Variants in KCNIP1 observed in about 807,000 individuals in gnomAD.
KCNIP1 encodes the protein potassium voltage-gated channel interacting protein 1.
In KCNIP1, 18 loss-of-function variants were observed where a neutral mutation model predicts 33.0. The ratio of observed to expected loss-of-function variants is 0.55; its 90% CI spans 0.38 to 0.81. The LOEUF is 0.81. Among genes scored for constraint, KCNIP1 ranks in the 30% least tolerant of loss-of-function variants. KCNIP1 has a pLI of 0.00. For missense variants in KCNIP1, 238 were observed against 271.6 expected, an observed-to-expected ratio of 0.88 and a Z score of 0.87; for synonymous variants, 93 against 98.3, an observed-to-expected ratio of 0.95 and a Z score of 0.32.
At chr5:170,623,771 C>T (rs948964998) in intron 1 of KCNIP1, among the ~76,000 whole-genome samples, 11 of 152,184 alleles carry the variant, frequency 7.2e-5, no homozygotes, top group African/African-American at 2.4e-4. Flanking sequence ...TGAAGACTAA[C>T]GCACATGATG....
chr5:170,717,131 G>C (rs1763667938), intron 1 of KCNIP1, among the ~76,000 whole-genome samples: 1 of 152,128 alleles, frequency 6.6e-6, no homozygotes, highest in Admixed American at 6.5e-5. Context: ...AATGCTTTTA[G>C]ATCTAATGCT....
At chr5:170,564,806 G>A (rs1757150829) in intron 1 of KCNIP1, among the ~76,000 whole-genome samples, 3 of 152,118 alleles carry the variant, frequency 2.0e-5, no homozygotes, top group African/African-American at 7.2e-5. Flanking sequence ...TATAGCTGAT[G>A]TCACATCCCT....
intron 1 of KCNIP1, among the ~76,000 whole-genome samples, chr5:170,438,912 G>A (rs765054564): frequency 6.6e-6 from 1 of 152,178 alleles, no homozygotes; most frequent in Non-Finnish European, 1.5e-5. Flanking sequence ...GACACTGCAT[G>A]TGGGCCTGTC....
chr5:170,560,826 C>T (rs551968104), intron 1 of KCNIP1, among the ~76,000 whole-genome samples: 13 of 152,100 alleles, frequency 8.5e-5, no homozygotes, highest in Non-Finnish European at 1.6e-4. Flanking sequence ...TGGTTCCCCC[C>T]GCCCCAGATG....
intron 1 of KCNIP1, among the ~76,000 whole-genome samples, chr5:170,671,528 A>G (rs1761921802): frequency 6.6e-6 from 1 of 152,136 alleles, no homozygotes; most frequent in African/African-American, 2.4e-5. Context: ...GTTGGGCCTT[A>G]TCTTTATGCT....
At chr5:170,521,803 C>T (rs985041358) in intron 1 of KCNIP1, among the ~76,000 whole-genome samples, 2 of 152,222 alleles carry the variant, frequency 1.3e-5, no homozygotes, top group Non-Finnish European at 2.9e-5. Flanking sequence ...GCTGCTATAA[C>T]AAATAAACCC....
At chr5:170,385,364 G>C in intron 1 of KCNIP1, 2 of 1,614,142 alleles carry the variant, frequency 1.2e-6, no homozygotes, top group Non-Finnish European at 1.7e-6. Flanking sequence ...AGTAGGTGAT[G>C]ACGGCACACA....
At chr5:170,669,183 G>A (rs1006849787) in intron 1 of KCNIP1, among the ~76,000 whole-genome samples, 7 of 152,208 alleles carry the variant, frequency 4.6e-5, no homozygotes, top group African/African-American at 1.4e-4. Flanking sequence ...ATGAATGAAT[G>A]AATGAATGAA....
In KCNIP1 at chr5:170,735,960, G is replaced by T. The variant is rs1764374295; in HGVS notation, c.*154G>T. Reference sequence around the variant, plus strand: ...AATTCTCTGCTGAAGACTTTCTATGGAACCCAGCATCATGTGGCTCAGTCT... The same window carrying T: ...AATTCTCTGCTGAAGACTTTCTATGTAACCCAGCATCATGTGGCTCAGTCT... On this transcript the variant is annotated 3_prime_UTR_variant, in exon 8 of 8. Transcript: ENST00000328939. 1.6e-6 allele frequency: 1 copy of T among 630,206 alleles called. No individual in the cohort carries two copies. Among genetic ancestry groups the T allele is most frequent in the East Asian group, 2.7e-5 (1 of 36,606 alleles). The allele number at this position is 630,206 out of a possible 1,614,324, so 39.0% of individuals were successfully genotyped here.
chr5:170,659,228 G>A (rs1200324737), intron 1 of KCNIP1, among the ~76,000 whole-genome samples: 1 of 151,992 alleles, frequency 6.6e-6, no homozygotes, highest in African/African-American at 2.4e-5. Flanking sequence ...CTCTCACTAG[G>A]ACTTCACAGC....
chr5:170,488,860 G>T (rs949547531), intron 1 of KCNIP1, among the ~76,000 whole-genome samples: 3 of 152,194 alleles, frequency 2.0e-5, no homozygotes, highest in Admixed American at 6.5e-5. Flanking sequence ...AGAAGGGAGA[G>T]AATTTACACA....
At chr5:170,669,047 C>T (rs1561753225) in intron 1 of KCNIP1, among the ~76,000 whole-genome samples, 1 of 152,188 alleles carries the variant, frequency 6.6e-6, no homozygotes, top group Non-Finnish European at 1.5e-5. Context: ...TTCTCTTTCT[C>T]ATCACAGTCT....
intron 1 of KCNIP1, among the ~76,000 whole-genome samples, chr5:170,357,363 G>T (rs948298650): frequency 6.6e-6 from 1 of 152,170 alleles, no homozygotes; most frequent in African/African-American, 2.4e-5. Context: ...TAGTGTTGAT[G>T]GATATGACTT....
At chr5:170,722,381 G>A (rs528609389) in intron 4 of KCNIP1, among the ~76,000 whole-genome samples, 22 of 152,206 alleles carry the variant, frequency 1.4e-4, no homozygotes, top group East Asian at 5.8e-4. Flanking sequence ...TACAGTCCAC[G>A]TCCTCAGCCA....
chr5:170,684,008 A>T (rs1762456973), intron 1 of KCNIP1, among the ~76,000 whole-genome samples: 1 of 151,644 alleles, frequency 6.6e-6, no homozygotes, highest in Non-Finnish European at 1.5e-5. Flanking sequence ...CCACCTGCCG[A>T]GGCCTCCCAA....
chr5:170,717,796 A>G (rs1427725121), intron 1 of KCNIP1, among the ~76,000 whole-genome samples: 1 of 152,348 alleles, frequency 6.6e-6, no homozygotes, highest in South Asian at 2.1e-4. Flanking sequence ...CCATCTCATC[A>G]CTATTCTTGC....
At chr5:170,607,625 C>G (rs1758977517) in intron 1 of KCNIP1, among the ~76,000 whole-genome samples, 1 of 152,166 alleles carries the variant, frequency 6.6e-6, no homozygotes, top group Non-Finnish European at 1.5e-5. Context: ...AAAGAAAATG[C>G]AGTGTCTTCT....
At chr5:170,372,009 A>C (rs1763858466) in intron 1 of KCNIP1, among the ~76,000 whole-genome samples, 1 of 151,970 alleles carries the variant, frequency 6.6e-6, no homozygotes, top group Non-Finnish European at 1.5e-5. Flanking sequence ...GTTAGCTCAG[A>C]CCCCACAGGT....
At chr5:170,711,646 T>C (rs1456571816) in intron 1 of KCNIP1, among the ~76,000 whole-genome samples, 1 of 152,192 alleles carries the variant, frequency 6.6e-6, no homozygotes, top group Non-Finnish European at 1.5e-5. Flanking sequence ...TAGGAGAAAC[T>C]GTGAGGGCGG....
Sources: gnomAD v4.1 joint callset for allele counts (sites outside exome capture counted in the v4.1 genomes callset) on GRCh38, gnomAD v4.1.1 for gene constraint, MANE v1.5 for transcripts, NCBI Gene and HGNC (gene_info 2026-07-23, HGNC 2026-07-21) for gene names.